TRIQK: variants seen among roughly 807,000 people sequenced by gnomAD.
TRIQK encodes triple QxxK/R motif-containing protein.
Under a neutral mutation model 10.8 loss-of-function variants are expected in TRIQK, and 10 were observed. That is an observed-to-expected ratio of 0.92 (90% CI 0.57 to 1.57). The LOEUF (loss-of-function observed/expected upper bound fraction) is 1.57. Ranked by LOEUF, TRIQK falls within the 40% of genes most tolerant of loss-of-function variation. TRIQK has a pLI of 0.00. For missense variants in TRIQK, 107 were observed against 97.7 expected, an observed-to-expected ratio of 1.09 and a Z score of -0.40; for synonymous variants, 33 against 33.7, an observed-to-expected ratio of 0.98 and a Z score of 0.07.
At chr8:92,905,151 A>C (rs1563621302) in intron 3 of TRIQK, among the ~76,000 whole-genome samples, 2 of 152,200 alleles carry the variant, frequency 1.3e-5, no homozygotes. Flanking sequence ...AATAGCATTC[A>C]TAGAAAAAAA....
At chr8:92,971,944 C>G (rs1812880965) in intron 1 of TRIQK, among the ~76,000 whole-genome samples, 1 of 152,098 alleles carries the variant, frequency 6.6e-6, no homozygotes, top group South Asian at 2.1e-4. Context: ...TTTTGAAGGT[C>G]TGTTACTAGG....
At chr8:92,886,985 C>T in intron 4 of TRIQK, 1 of 241,068 alleles carries the variant, frequency 4.1e-6, no homozygotes, top group Non-Finnish European at 7.9e-6. Flanking sequence ...TTTGTTTTTT[C>T]CTTATAGTAA....
chr8:92,905,809 C>T (rs1237203890), intron 3 of TRIQK, among the ~76,000 whole-genome samples: 1 of 152,094 alleles, frequency 6.6e-6, no homozygotes, highest in Non-Finnish European at 1.5e-5. Context: ...GTGTCAGTCT[C>T]TAGGGTTTTG....
chr8:93,015,549 G>A (rs1432555935), intron 1 of TRIQK, among the ~76,000 whole-genome samples: 4 of 150,552 alleles, frequency 2.7e-5, no homozygotes, highest in Non-Finnish European at 5.9e-5. Context: ...AACCCAAAAC[G>A]ATGGAGAAAG....
intron 2 of TRIQK, among the ~76,000 whole-genome samples, chr8:92,938,917 A>G (rs1811132984): frequency 6.6e-6 from 1 of 152,208 alleles, no homozygotes; most frequent in Non-Finnish European, 1.5e-5. Flanking sequence ...AAAATATAAT[A>G]ACTGATTACA....
At chr8:93,007,530 T>C (rs1027357206) in intron 1 of TRIQK, among the ~76,000 whole-genome samples, 21 of 152,096 alleles carry the variant, frequency 1.4e-4, no homozygotes, top group African/African-American at 4.6e-4. Flanking sequence ...GAGGCTGAGA[T>C]GGATGAAATG....
rs1443686205 is a variant in TRIQK, at chr8:92,885,270, A to G, written c.*1352T>C. 5.4e-5 allele frequency: 17 copies of G among 315,090 alleles called. No homozygotes were observed. Among genetic ancestry groups the G allele is most frequent in the Non-Finnish European group, 1.3e-5 (2 of 159,640 alleles). The allele number at this position is 315,090 out of a possible 1,614,324, so 19.5% of individuals were successfully genotyped here. A position where few individuals can be genotyped will look rare whatever the true frequency, so the allele number is the denominator to read the frequency against. On this transcript the variant is annotated 3_prime_UTR_variant, in exon 5 of 5. Coordinates refer to ENST00000521988, the MANE Select transcript of TRIQK (RefSeq NM_001171797.2). ...GCAAAAGTACCAGAGAATATCTTTT[A>G]GAAACAGTGCTTATAAAGCCCCATA...
At chr8:92,915,188 T>C (rs1290146127) in intron 3 of TRIQK, among the ~76,000 whole-genome samples, 1 of 152,084 alleles carries the variant, frequency 6.6e-6, no homozygotes, top group East Asian at 1.9e-4. Flanking sequence ...GAGAGTGGAA[T>C]GGTGTTAGCA....
At chr8:92,995,405 A>C (rs1240023294) in intron 1 of TRIQK, among the ~76,000 whole-genome samples, 1 of 151,946 alleles carries the variant, frequency 6.6e-6, no homozygotes, top group Non-Finnish European at 1.5e-5. Flanking sequence ...TTTATTCCCC[A>C]TCTACCCTGC....
At chr8:93,010,218 T>C (rs549936344) in intron 1 of TRIQK, among the ~76,000 whole-genome samples, 2 of 152,236 alleles carry the variant, frequency 1.3e-5, no homozygotes, top group African/African-American at 2.4e-5. Flanking sequence ...TGACTATAGA[T>C]AACAATAATG....
intron 1 of TRIQK, among the ~76,000 whole-genome samples, chr8:92,987,450 G>A (rs1263341754): frequency 1.3e-5 from 2 of 152,308 alleles, no homozygotes; most frequent in African/African-American, 4.8e-5. Context: ...GCTTATATGT[G>A]TGTATGTCAT....
upstream of TRIQK, among the ~76,000 whole-genome samples, chr8:92,968,751 T>C (rs999939510): frequency 2.0e-5 from 3 of 152,232 alleles, no homozygotes; most frequent in Non-Finnish European, 2.9e-5. Flanking sequence ...TTCTGTAGGT[T>C]GCCTGTTTAC....
chr8:92,909,536 C>A (rs1038446541), intron 3 of TRIQK, among the ~76,000 whole-genome samples: 10 of 151,764 alleles, frequency 6.6e-5, no homozygotes, highest in Non-Finnish European at 1.3e-4. Flanking sequence ...ACAATTCAAA[C>A]CAATGATAAT....
intron 3 of TRIQK, among the ~76,000 whole-genome samples, chr8:92,901,100 A>G (rs1808912030): frequency 6.6e-6 from 1 of 151,808 alleles, no homozygotes; most frequent in Non-Finnish European, 1.5e-5. Context: ...ACAAAAATCA[A>G]CTCCAGCAAC....
chr8:92,950,183 T>C (rs1429873929), intron 2 of TRIQK, among the ~76,000 whole-genome samples: 2 of 152,164 alleles, frequency 1.3e-5, no homozygotes, highest in Non-Finnish European at 2.9e-5. Context: ...AGAGTAACAG[T>C]TACATTTAGA....
At chr8:92,889,053 G>A (rs1816628193) in intron 4 of TRIQK, among the ~76,000 whole-genome samples, 1 of 151,494 alleles carries the variant, frequency 6.6e-6, no homozygotes, top group Admixed American at 6.6e-5. Flanking sequence ...ATAAATTATG[G>A]CATTTTCTTT....
chr8:92,937,813 G>A (rs1811069318), intron 2 of TRIQK, among the ~76,000 whole-genome samples: 1 of 150,756 alleles, frequency 6.6e-6, no homozygotes, highest in Admixed American at 6.6e-5. Flanking sequence ...CTATCCTTTG[G>A]GATATTATTG....
chr8:92,919,539 G>GC (rs1810059630), intron 2 of TRIQK, among the ~76,000 whole-genome samples: 1 of 151,702 alleles, frequency 6.6e-6, no homozygotes, highest in Non-Finnish European at 1.5e-5. Context: ...AATTTGGTTT[G>GC]TAGTGTTTTG....
chr8:92,889,842 C>T (rs953637385), intron 4 of TRIQK, among the ~76,000 whole-genome samples: 18 of 151,634 alleles, frequency 1.2e-4, no homozygotes, highest in African/African-American at 4.4e-4. Flanking sequence ...GATTCTAGGC[C>T]TCCTTATCCT....
Sources: gnomAD v4.1 joint callset for allele counts (sites outside exome capture counted in the v4.1 genomes callset) on GRCh38, gnomAD v4.1.1 for gene constraint, MANE v1.5 for transcripts, NCBI Gene and HGNC (gene_info 2026-07-23, HGNC 2026-07-21) for gene names.